The following NMUR1 variants were observed in gnomAD, a reference collection of about 807,000 sequenced individuals.
NMUR1 encodes the protein neuromedin U receptor 1, also known as neuromedin-U receptor 1.
NMUR1 carries 16 observed loss-of-function variants against 18.8 expected under a neutral mutation model. The observed-to-expected ratio is 0.85, with a 90% confidence interval of 0.58 to 1.29. NMUR1 has a LOEUF of 1.29. NMUR1 is among the 50% of genes most tolerant of loss of function. The probability of loss-of-function intolerance (pLI) is 0.00; values close to 1 mark genes in which losing one functional copy is unlikely to be tolerated. For synonymous variants in NMUR1, 258 were observed against 258.2 expected, an observed-to-expected ratio of 1.00 and a Z score of 0.01; for missense variants, 529 against 580.3, an observed-to-expected ratio of 0.91 and a Z score of 0.91.
chr2:231,530,281 G>C lies in NMUR1; in HGVS notation c.3+78C>G, dbSNP rs927725218. On this transcript the variant is annotated intron_variant, in intron 1 of 2. Coordinates refer to ENST00000305141, the MANE Select transcript of NMUR1 (RefSeq NM_006056.5). Reference sequence around the variant, plus strand: ...CCGACGGAGCCCTCGGACCCTTCCCGCCCTAGGACGACCCTGCCCGCACCG... The same window carrying C: ...CCGACGGAGCCCTCGGACCCTTCCCCCCCTAGGACGACCCTGCCCGCACCG... 7 of 1,476,990 alleles carry C rather than the reference G, an allele frequency of 4.7e-6. No homozygotes were observed. The African/African-American group carries it at 7.3e-5, about 15-fold the overall frequency. The allele number at this position is 1,476,990 out of a possible 1,614,324, so 91.5% of individuals were successfully genotyped here.
chr2:231,520,354 C>T (rs911453964), downstream of NMUR1, among the ~76,000 whole-genome samples: 1 of 152,234 alleles, frequency 6.6e-6, no homozygotes, highest in Non-Finnish European at 1.5e-5. Context: ...CCTGGACACG[C>T]CTGCCCCTGT....
At chr2:231,528,065 A>G in intron 2 of NMUR1, 58 bp downstream of exon 2, 1 of 1,494,192 alleles carries the variant, frequency 6.7e-7, no homozygotes, top group Admixed American at 2.3e-5. Flanking sequence ...AGGCCCCAGG[A>G]GCCCCAAACT....
At chr2:231,527,890 A>G (rs781760011) in intron 2 of NMUR1, among the ~76,000 whole-genome samples, 1 of 152,046 alleles carries the variant, frequency 6.6e-6, no homozygotes, top group Non-Finnish European at 1.5e-5. Flanking sequence ...AAATTACACA[A>G]TCTTACCGTT....
intron 1 of NMUR1, 115 bp from the exon 2 acceptor site, chr2:231,529,132 C>G: frequency 9.4e-7 from 1 of 1,069,350 alleles, no homozygotes; most frequent in Admixed American, 2.9e-5. Flanking sequence ...TTTTAGGCAC[C>G]ACTGAGAAAG....
At position 231,527,790 on chromosome 2, in the gene NMUR1, C is replaced by T. The variant is rs907538801; in HGVS notation, c.898+333G>A. ...GCCCCAAGTTTAGCAGGGTCCTGGG[C>T]TTGGTTTAATGCTCTGTTGTTGCTG... is the stretch of plus-strand genomic sequence containing the variant. On this transcript the variant is annotated intron_variant, in intron 2 of 2. Coordinates refer to ENST00000305141, the MANE Select transcript of NMUR1 (RefSeq NM_006056.5). Among the ~76,000 whole-genome samples, 4 of 152,050 alleles carry T rather than the reference C, an allele frequency of 2.6e-5. No individual in the cohort carries two copies. The East Asian group carries it at 7.7e-4, about 29-fold the overall frequency.
chr2:231,528,083 A>C, intron 2 of NMUR1, 40 bp downstream of exon 2: 1 of 1,513,064 alleles, frequency 6.6e-7, no homozygotes, highest in South Asian at 1.3e-5. Context: ...ACTCATACCC[A>C]GTGCCTGGCT....
Position 231,524,789 on chromosome 2 carries a change from A to C in NMUR1, c.*254T>G. 1 of 430,306 alleles carries C rather than the reference A, an allele frequency of 2.3e-6. No individual in the cohort carries two copies. Among genetic ancestry groups the C allele is most frequent in the Non-Finnish European group, 4.1e-6 (1 of 243,634 alleles). 26.7% of individuals were successfully genotyped at this position (430,306 alleles called of 1,614,324 possible). A position where few individuals can be genotyped will look rare whatever the true frequency, so the allele number is the denominator to read the frequency against. ...CTAACTGTGATATTTCTGCAGGGTA[A>C]GGATTTGAACTGGGGGAGTGGCAGT... is the stretch of plus-strand genomic sequence containing the variant. On this transcript the variant is annotated 3_prime_UTR_variant, in exon 3 of 3. Coordinates refer to ENST00000305141, the MANE Select transcript of NMUR1 (RefSeq NM_006056.5).
At position 231,525,388 on chromosome 2, in the gene NMUR1, C is replaced by T. The variant is rs567535094; in HGVS notation, c.936G>A (p.Pro312=). 1.1e-5 allele frequency: 17 copies of T among 1,613,450 alleles called. No individual in the cohort carries two copies. Among genetic ancestry groups the T allele is most frequent in the East Asian group, 8.9e-5 (4 of 44,878 alleles). Residue 312 remains proline, a synonymous_variant, in exon 3 of 3, where the codon CCG becomes CCA. Transcript: ENST00000305141. The part of the protein sequence containing the change: ...LVVVFGICWA[P]FHADRVMWSV... The stretch of plus-strand genomic sequence containing the variant: ...TCCACATGACGCGGTCGGCGTGGAA[C>T]GGGGCCCAGCAGATGCCAAACACCA...
chr2:231,529,110 T>C, intron 1 of NMUR1, 93 bp from the exon 2 acceptor site: 1 of 1,194,152 alleles, frequency 8.4e-7, no homozygotes. Context: ...ATTAGCGCTA[T>C]GATGACCATT....
chr2:231,527,057 T>C lies in NMUR1; in HGVS notation c.898+1066A>G, dbSNP rs113036998. On this transcript the variant is annotated intron_variant, in intron 2 of 2. Coordinates refer to ENST00000305141, the MANE Select transcript of NMUR1 (RefSeq NM_006056.5). ...TGCGGTTCCCAGGGAACCGCAGACATGGCATGGGGGAAATTCAGCACCTGG... is the reference window on the plus strand; with the variant it reads ...TGCGGTTCCCAGGGAACCGCAGACACGGCATGGGGGAAATTCAGCACCTGG... Among the ~76,000 whole-genome samples the C allele has an allele frequency of 2.7e-3, 415 of 152,090 alleles. 3 individuals carry two copies. Among genetic ancestry groups the C allele is most frequent in the African/African-American group, 9.4e-3 (391 of 41,486 alleles).
chr2:231,523,217 T>G lies in NMUR1; in HGVS notation c.*1826A>C. 1 of 359,564 alleles carries G rather than the reference T, an allele frequency of 2.8e-6. No individual in the cohort carries two copies. Among genetic ancestry groups the G allele is most frequent in the East Asian group, 3.7e-5 (1 of 26,686 alleles). 22.3% of individuals were successfully genotyped at this position (359,564 alleles called of 1,614,324 possible). ...AGTAAAGTTATGGGTGGTTTTAATTTTTTCTTTCCTTTAGATTTAATCCTC... is the reference window on the plus strand; with the variant it reads ...AGTAAAGTTATGGGTGGTTTTAATTGTTTCTTTCCTTTAGATTTAATCCTC... On this transcript the variant is annotated 3_prime_UTR_variant, in exon 3 of 3. Transcript: ENST00000305141.
chr2:231,529,443 G>A (rs1483732499), intron 1 of NMUR1, among the ~76,000 whole-genome samples: 1 of 151,746 alleles, frequency 6.6e-6, no homozygotes, highest in African/African-American at 2.4e-5. Flanking sequence ...CTGGGCAACA[G>A]AGAAAGACCT....
Position 231,525,482 on chromosome 2 carries a change from C to T in NMUR1, c.899-57G>A. 4.5e-6 allele frequency: 7 copies of T among 1,542,828 alleles called. No individual in the cohort carries two copies. In the South Asian group the frequency reaches 5.0e-5, roughly 11 times the overall value. ...CGCCCGAGGCCCCTCAGCTGCCTTC[C>T]CGGGCTTCAGTTTGGGTCACCCATT... On this transcript the variant is annotated intron_variant, in intron 2 of 2. Coordinates refer to ENST00000305141, the MANE Select transcript of NMUR1 (RefSeq NM_006056.5).
intron 2 of NMUR1, among the ~76,000 whole-genome samples, chr2:231,527,692 A>T (rs532937615): frequency 6.6e-6 from 1 of 150,830 alleles, no homozygotes; most frequent in South Asian, 2.1e-4. Flanking sequence ...TGGAGGGTCC[A>T]GATCCCATTT....
chr2:231,525,344 G>A lies in NMUR1; in HGVS notation c.980C>T (p.Thr327Ile). The A allele has an allele frequency of 6.2e-7, 1 of 1,613,398 alleles. No homozygotes were observed. The highest frequency in any genetic ancestry group is 8.5e-7 in the Non-Finnish European group (1 of 1,179,828). ...RVMWSVVSQW[T>I]DGLHLAFQHV... ...CTGGAAGGCCAGGTGCAGGCCATCT[G>A]TCCACTGTGACACGACGCTCCACAT... The change falls in exon 3 of 3, where the codon ACA becomes ATA. Residue 327 changes from threonine (T) to isoleucine (I), a missense_variant. Transcript: ENST00000305141.
chr2:231,529,328 C>A (rs1192395964), intron 1 of NMUR1, among the ~76,000 whole-genome samples: 2 of 152,116 alleles, frequency 1.3e-5, no homozygotes, highest in Non-Finnish European at 2.9e-5. Flanking sequence ...GGCGTGGTAG[C>A]ACACGCCTGT....
chr2:231,521,973 C>CTTT (rs10625236), downstream of NMUR1, among the ~76,000 whole-genome samples: 491 of 83,748 alleles, frequency 5.9e-3, 1 homozygote, highest in Middle Eastern at 0.011. Context: ...TTTTTTTTCT[C>CTTT]TTTTTTTTTT....
At chr2:231,526,993 A>C (rs2047361978) in intron 2 of NMUR1, among the ~76,000 whole-genome samples, 1 of 152,092 alleles carries the variant, frequency 6.6e-6, no homozygotes, top group Non-Finnish European at 1.5e-5. Context: ...CTTCACAGAC[A>C]CGCCTCGGGA....
rs1437019522 is a variant in NMUR1, at chr2:231,530,407, G to T, written c.-46C>A. ...CCCCGGCTTCCACCCTCCGAGCGACGGACACAGACGCGGCGCGGGAGCCAG... is the reference window on the plus strand; with the variant it reads ...CCCCGGCTTCCACCCTCCGAGCGACTGACACAGACGCGGCGCGGGAGCCAG... On this transcript the variant is annotated 5_prime_UTR_variant, in exon 1 of 3. Coordinates refer to ENST00000305141, the MANE Select transcript of NMUR1 (RefSeq NM_006056.5). 25 of 1,471,532 alleles carry T rather than the reference G, an allele frequency of 1.7e-5. No homozygotes were observed. Among genetic ancestry groups the T allele is most frequent in the Non-Finnish European group, 2.1e-5 (24 of 1,118,694 alleles). 91.2% of individuals were successfully genotyped at this position (1,471,532 alleles called of 1,614,324 possible). A position where few individuals can be genotyped will look rare whatever the true frequency, so the allele number is the denominator to read the frequency against.
Sources: gnomAD v4.1 joint callset for allele counts (sites outside exome capture counted in the v4.1 genomes callset) on GRCh38, gnomAD v4.1.1 for gene constraint, MANE v1.5 for transcripts, NCBI Gene and HGNC (gene_info 2026-07-23, HGNC 2026-07-21) for gene names.